LLGL1: variants seen among roughly 807,000 people sequenced by gnomAD.
LLGL1 encodes LLGL scribble cell polarity complex component 1.
A neutral mutation model predicts 110.6 loss-of-function variants in LLGL1; 58 were observed. The observed-to-expected ratio is 0.52, with a 90% CI of 0.42 to 0.65. LLGL1 has a LOEUF of 0.65. LLGL1 is among the 30% of genes least tolerant of loss of function. LLGL1 has a pLI of 0.00. For synonymous variants in LLGL1, 674 were observed against 607.2 expected (o/e 1.11, Z -1.62); for missense variants, 1,229 against 1,462.1 (o/e 0.84, Z 2.60).
intron 4 of LLGL1, among the ~76,000 whole-genome samples, chr17:18,233,050 G>A (rs2047603133): frequency 6.6e-6 from 1 of 152,254 alleles, no homozygotes; most frequent in Admixed American, 6.5e-5. Flanking sequence ...GTGAGCAGCA[G>A]GAGGTACATG....
At position 18,235,269 on chromosome 17, in the gene LLGL1, G is replaced by T; in HGVS notation, c.1241G>T (p.Ser414Ile). The T allele has an allele frequency of 6.2e-7, 1 of 1,610,482 alleles. No individual in the cohort carries two copies. ...GCCAAGCTGTGGGCCCGCATTGTGA[G>T]CGCTGGCGAGCAGCAGAGCCCCCAG... ...VPAKLWARIV[S>I]AGEQQSPQPV... The change falls in exon 10 of 23, where the codon AGC becomes ATC. Residue 414 changes from serine (S) to isoleucine (I), a missense_variant. Transcript: ENST00000316843.
chr17:18,239,540 C>T (rs918381938), intron 16 of LLGL1, among the ~76,000 whole-genome samples: 1 of 152,064 alleles, frequency 6.6e-6, no homozygotes, highest in Non-Finnish European at 1.5e-5. Context: ...TAAATGAAAA[C>T]CCAGATACAA....
Position 18,238,091 on chromosome 17 carries a change from C to A in LLGL1, c.1929C>A (p.Ser643=). 6.2e-7 allele frequency: 1 copy of A among 1,613,850 alleles called. No individual in the cohort carries two copies. Among genetic ancestry groups the A allele is most frequent in the Non-Finnish European group, 8.5e-7 (1 of 1,179,996 alleles). Residue 643 remains serine (S), a synonymous_variant, in exon 15 of 23, where the codon TCC becomes TCA. Transcript: ENST00000316843. ...LARCTLHPND[S]LAMEGPLSRV... ...GGTGCACTCTTCACCCCAATGACTC[C>A]CTGGCCATGGAGGGTCCGCTCTCCC... is the stretch of plus-strand genomic sequence containing the variant.
At position 18,242,810 on chromosome 17, in the gene LLGL1, C is replaced by A. The variant is rs1262920068; in HGVS notation, c.3184C>A (p.Leu1062Met). ...AEDEAHACAI[L>M]IK The stretch of plus-strand genomic sequence containing the variant: ...AGACGAGGCCCACGCCTGTGCCATC[C>A]TGATCAAATGAGGTGCTGCAGGGGT... The change falls in exon 22 of 23, where the codon CTG (leucine) becomes ATG (methionine). Residue 1062 changes from leucine (L) to methionine (M), a missense_variant. Transcript: ENST00000316843. The A allele has an allele frequency of 6.4e-7, 1 of 1,555,098 alleles. No individual in the cohort carries two copies. Among genetic ancestry groups the A allele is most frequent in the East Asian group, 2.4e-5 (1 of 41,682 alleles).
chr17:18,241,366 C>A, intron 17 of LLGL1, 85 bp from the exon 18 acceptor site: 1 of 1,502,134 alleles, frequency 6.7e-7, no homozygotes, highest in Non-Finnish European at 8.9e-7. Context: ...GTGGTGGGGG[C>A]TGTTGGGTCA....
intron 1 of LLGL1, among the ~76,000 whole-genome samples, chr17:18,229,665 A>C (rs6502641): frequency 3.3e-5 from 5 of 152,046 alleles, no homozygotes; most frequent in African/African-American, 4.8e-5. Flanking sequence ...GTGTGCATTG[A>C]GGGGCACAGG....
rs1022858032 is a variant in LLGL1 at position 18,234,492 on chromosome 17, T to G, written c.850+84T>G. On this transcript the variant is annotated intron_variant, in intron 7 of 22. Coordinates refer to ENST00000316843, the MANE Select transcript of LLGL1 (RefSeq NM_004140.4). ...AAGCCAAACTGGCTGAGGAGGGACT[T>G]CCCCGAGGGGGTGGTCTGGGGGCAG... 4.4e-6 allele frequency: 7 copies of G among 1,584,674 alleles called. 1 individual carries two copies. Among genetic ancestry groups the G allele is most frequent in the Middle Eastern group, 1.7e-4 (1 of 5,822 alleles).
In LLGL1 at chr17:18,225,663, C is replaced by G. The variant is rs912729206; in HGVS notation, c.-20C>G. Reference sequence around the variant, plus strand: ...CTGCGGGCGGCGGCGGCGGGCGAGGCGCCTGCAGCCGGGCGCAAGATGATG... The same window carrying G: ...CTGCGGGCGGCGGCGGCGGGCGAGGGGCCTGCAGCCGGGCGCAAGATGATG... On this transcript the variant is annotated 5_prime_UTR_variant, in exon 1 of 23. Transcript: ENST00000316843. 3 of 987,120 alleles carry G rather than the reference C, an allele frequency of 3.0e-6. No individual in the cohort carries two copies. Among genetic ancestry groups the G allele is most frequent in the African/African-American group, 1.8e-5 (1 of 56,610 alleles). 61.1% of individuals were successfully genotyped at this position (987,120 alleles called of 1,614,324 possible).
rs1216138391 is a variant in LLGL1, at chr17:18,235,161, G to A, written c.1133G>A (p.Gly378Asp). The A allele has an allele frequency of 6.2e-7, 1 of 1,613,288 alleles. No homozygotes were observed. The highest frequency in any genetic ancestry group is 8.5e-7 in the Non-Finnish European group (1 of 1,180,020). ...GTGGTGCTGGACCTGCAGACTCCTG[G>A]CTGGCCAGCTGTGCCTGCCCCATAC... ...ELVVLDLQTPGWPAVPAPYLA... is the reference protein window; with the variant it reads ...ELVVLDLQTPDWPAVPAPYLA... The change falls in exon 10 of 23, where the codon GGC (glycine) becomes GAC (aspartate). Residue 378 changes from glycine (G) to aspartate (D), a missense_variant. By Grantham distance (94) the Gly-to-Asp change is moderately conservative. Transcript: ENST00000316843.
intron 4 of LLGL1, 21 bp from the exon 5 acceptor site, chr17:18,233,757 C>T (rs2047621195): frequency 1.3e-6 from 2 of 1,599,658 alleles, no homozygotes; most frequent in Non-Finnish European, 8.5e-7. Context: ...ACCCTCACTC[C>T]CTTCCCCTTG....
chr17:18,228,827 C>T (rs886706370), intron 1 of LLGL1, among the ~76,000 whole-genome samples: 1 of 152,068 alleles, frequency 6.6e-6, no homozygotes, highest in African/African-American at 2.4e-5. Context: ...AGATGAGAGA[C>T]TGAAGCTTGG....
At chr17:18,239,943 T>C (rs557656572) in intron 16 of LLGL1, among the ~76,000 whole-genome samples, 2 of 151,964 alleles carry the variant, frequency 1.3e-5, no homozygotes, top group Non-Finnish European at 2.9e-5. Flanking sequence ...AGGTGCCGAG[T>C]CTGCTCTTGC....
At chr17:18,241,335 C>T (rs568768729) in intron 17 of LLGL1, 116 bp from the exon 18 acceptor site, 12 of 1,364,378 alleles carry the variant, frequency 8.8e-6, no homozygotes, top group South Asian at 4.2e-5. Flanking sequence ...CGGGAGGCCA[C>T]GTAGCATGCA....
At position 18,235,156 on chromosome 17, in the gene LLGL1, T is replaced by C. The variant is rs2142622114; in HGVS notation, c.1128T>C (p.Thr376=). 1 of 1,613,506 alleles carries C rather than the reference T, an allele frequency of 6.2e-7. No individual in the cohort carries two copies. Among genetic ancestry groups the C allele is most frequent in the South Asian group, 1.1e-5 (1 of 91,084 alleles). ...EEELVVLDLQ[T]PGWPAVPAPY... ...AGCTGGTGGTGCTGGACCTGCAGAC[T>C]CCTGGCTGGCCAGCTGTGCCTGCCC... is the stretch of plus-strand genomic sequence containing the variant. Residue 376 remains threonine, a synonymous_variant, in exon 10 of 23, where the codon ACT becomes ACC. Transcript: ENST00000316843.
chr17:18,228,846 GA>G (rs1284904163), intron 1 of LLGL1, among the ~76,000 whole-genome samples: 2 of 152,092 alleles, frequency 1.3e-5, no homozygotes, highest in African/African-American at 4.8e-5. Context: ...GGAGAGTACT[GA>G]GTCTTGGAGA....
rs769578330 is a variant in LLGL1 at position 18,240,772 on chromosome 17, C to T, written c.2401C>T (p.Arg801Cys). ...CATTGCCGTGTTGGACGGGCGTGGC[C>T]GCCCACTGCCCGAGCCCTACGAGGC... ...VAIAVLDGRG[R>C]PLPEPYEASR... is the part of the protein sequence containing the mutation. Residue 801 changes from arginine (R) to cysteine (C), a missense_variant, in exon 17 of 23, where the codon CGC becomes TGC. Transcript: ENST00000316843. The surrounding 1 kb of genome is among the most constrained non-coding windows in gnomAD (Gnocchi z 5.3). The T allele has an allele frequency of 6.8e-6, 11 of 1,605,848 alleles. No homozygotes were observed. Among genetic ancestry groups the T allele is most frequent in the Middle Eastern group, 3.6e-4 (2 of 5,560 alleles).
At position 18,235,320 on chromosome 17, in the gene LLGL1, C is replaced by G. The variant is rs756749359; in HGVS notation, c.1284+8C>G. The G allele has an allele frequency of 6.8e-6, 11 of 1,608,934 alleles. 1 individual carries two copies. In the South Asian group the frequency reaches 1.1e-4, roughly 16 times the overall value. The stretch of plus-strand genomic sequence containing the variant: ...CCTGTCTCCAGTGCCTTGGTGTGTG[C>G]GGCGATCAGGGGGGTCTTACAGGGT... On this transcript the variant is annotated splice_region_variant and intron_variant, in intron 10 of 22. Coordinates refer to ENST00000316843, the MANE Select transcript of LLGL1 (RefSeq NM_004140.4).
intron 17 of LLGL1, 38 bp from the exon 18 acceptor site, chr17:18,241,413 A>G (rs753670676): frequency 4.4e-6 from 7 of 1,593,172 alleles, no homozygotes; most frequent in Admixed American, 3.4e-5. Flanking sequence ...GGACGAGGAC[A>G]GGGCCAGGCT....
rs1006575220 is a variant in LLGL1, at chr17:18,237,599, G to A, written c.1730G>A (p.Arg577His). The change falls in exon 14 of 23, where the codon CGC (arginine) becomes CAC (histidine). Residue 577 changes from arginine to histidine, a missense_variant. Coordinates refer to ENST00000316843, the MANE Select transcript of LLGL1 (RefSeq NM_004140.4). ...TWKGHERLSP[R>H]TGPLPWPAGF... ...AAGGGCCACGAGCGGCTGAGCCCAC[G>A]CACGGGGCCGCTGCCCTGGCCTGCT... 2 of 1,610,882 alleles carry A rather than the reference G, an allele frequency of 1.2e-6. No homozygotes were observed. The highest frequency in any genetic ancestry group is 1.7e-6 in the Non-Finnish European group (2 of 1,179,690).
Sources: gnomAD v4.1 joint callset for allele counts (sites outside exome capture counted in the v4.1 genomes callset) on GRCh38, gnomAD v4.1.1 for gene constraint, Gnocchi (gnomAD v3.1) non-coding constraint, MANE v1.5 for transcripts, NCBI Gene and HGNC (gene_info 2026-07-23, HGNC 2026-07-21) for gene names.